ZEB1: variants seen among roughly 807,000 people sequenced by gnomAD.
ZEB1 encodes zinc finger E-box binding homeobox 1.
Under a neutral mutation model 84.9 loss-of-function variants are expected in ZEB1, and 21 were observed. The observed-to-expected ratio is 0.25, with a 90% CI of 0.18 to 0.36. The LOEUF (loss-of-function observed/expected upper bound fraction) is 0.36. Among genes scored for constraint, ZEB1 ranks in the 10% least tolerant of loss-of-function variants. The probability of loss-of-function intolerance (pLI) is 1.00; values close to 1 mark genes in which losing one functional copy is unlikely to be tolerated. For missense variants in ZEB1, 1,104 were observed against 1,330.2 expected, an observed-to-expected ratio of 0.83 and a Z score of 2.65; for synonymous variants, 420 against 471.1, an observed-to-expected ratio of 0.89 and a Z score of 1.41.
intron 1 of ZEB1, among the ~76,000 whole-genome samples, chr10:31,329,709 A>C (rs947473405): frequency 6.6e-6 from 1 of 152,148 alleles, no homozygotes. Context: ...ACATCCTTGC[A>C]AACAATTGTC....
intron 3 of ZEB1, among the ~76,000 whole-genome samples, chr10:31,499,852 G>C (rs1169801074): frequency 6.6e-6 from 1 of 151,946 alleles, no homozygotes; most frequent in Non-Finnish European, 1.5e-5. Context: ...GTAAAGTCAA[G>C]ATTAAGATTA....
At chr10:31,514,579 A>G in intron 5 of ZEB1, 24 bp from the exon 6 acceptor site, 1 of 1,600,606 alleles carries the variant, frequency 6.2e-7, no homozygotes, top group Non-Finnish European at 8.6e-7. Context: ...CTTTTCAAAT[A>G]AAATACCAGT....
intron 1 of ZEB1, among the ~76,000 whole-genome samples, chr10:31,416,457 G>A (rs565405295): frequency 6.6e-6 from 1 of 152,038 alleles, no homozygotes; most frequent in East Asian, 1.9e-4. Flanking sequence ...CCTACATAAT[G>A]GTCTTGAACC....
chr10:31,448,547 T>C (rs2060096563), intron 1 of ZEB1, among the ~76,000 whole-genome samples: 1 of 151,094 alleles, frequency 6.6e-6, no homozygotes, highest in Non-Finnish European at 1.5e-5. Context: ...TGTGGTTTTA[T>C]CTACTTTTGG....
At chr10:31,426,715 T>C (rs951556847) in intron 1 of ZEB1, among the ~76,000 whole-genome samples, 2 of 152,094 alleles carry the variant, frequency 1.3e-5, no homozygotes, top group Middle Eastern at 3.2e-3. Context: ...AATCTCTAGT[T>C]TGAATTGATT....
At chr10:31,420,307 G>T (rs987243432) in intron 1 of ZEB1, among the ~76,000 whole-genome samples, 2 of 152,044 alleles carry the variant, frequency 1.3e-5, no homozygotes, top group African/African-American at 4.8e-5. Context: ...TGCTTAGCTG[G>T]CTCCTCTGCT....
At chr10:31,331,077 CTTTCTTTTTTTTTT>C (rs1388760800) in intron 1 of ZEB1, among the ~76,000 whole-genome samples, 2 of 89,064 alleles carry the variant, frequency 2.2e-5, no homozygotes, top group African/African-American at 1.1e-4. Context: ...TTTTTTCTTT[CTTTCTTTTTTTTTT>C]TTTTTTTTTT....
At chr10:31,345,789 T>C (rs530044503) in intron 1 of ZEB1, among the ~76,000 whole-genome samples, 1 of 152,256 alleles carries the variant, frequency 6.6e-6, no homozygotes, top group South Asian at 2.1e-4. Context: ...GGAGAGAGCC[T>C]AGAAAACTTT....
At chr10:31,376,406 A>G (rs1458179049) in intron 1 of ZEB1, among the ~76,000 whole-genome samples, 1 of 151,782 alleles carries the variant, frequency 6.6e-6, no homozygotes, top group East Asian at 1.9e-4. Context: ...AGTTCTTATT[A>G]TTTGTATAAC....
intron 1 of ZEB1, among the ~76,000 whole-genome samples, chr10:31,407,341 C>T (rs1365906596): frequency 6.8e-5 from 10 of 146,704 alleles, no homozygotes; most frequent in East Asian, 2.0e-4. Context: ...TGAGAACATG[C>T]GGTGTTTGGT....
In ZEB1 at chr10:31,527,412, A is replaced by AC. The variant is rs2073697998; in HGVS notation, c.*148_*149insC. On this transcript the variant is annotated 3_prime_UTR_variant, in exon 9 of 9. Coordinates refer to ENST00000424869, the MANE Select transcript of ZEB1 (RefSeq NM_001174096.2). ...AAAACTAAAAAAATACAAAATACAA[A>AC]ACACACACACACACACACACACACA... 10 of 515,640 alleles carry AC rather than the reference A, an allele frequency of 1.9e-5. No individual in the cohort carries two copies. The highest frequency in any genetic ancestry group is 1.8e-4 in the South Asian group (7 of 38,850). The allele number at this position is 515,640 out of a possible 1,614,324, so 31.9% of individuals were successfully genotyped here. A position where few individuals can be genotyped will look rare whatever the true frequency, so the allele number is the denominator to read the frequency against.
intron 1 of ZEB1, among the ~76,000 whole-genome samples, chr10:31,348,906 A>G (rs1352138090): frequency 2.0e-5 from 3 of 152,360 alleles, no homozygotes; most frequent in Admixed American, 6.5e-5. Flanking sequence ...GCTAATTAAC[A>G]TATGCATTAC....
At chr10:31,519,880 A>G (rs893388417) in intron 6 of ZEB1, among the ~76,000 whole-genome samples, 1 of 152,212 alleles carries the variant, frequency 6.6e-6, no homozygotes, top group East Asian at 1.9e-4. Flanking sequence ...TGGAAATATT[A>G]TACACATATG....
At chr10:31,509,583 A>G (rs1323240966) in intron 4 of ZEB1, among the ~76,000 whole-genome samples, 1 of 152,170 alleles carries the variant, frequency 6.6e-6, no homozygotes, top group Non-Finnish European at 1.5e-5. Flanking sequence ...TATTTGACCA[A>G]CTATTTAACA....
At chr10:31,519,320 A>G (rs2071812325) in intron 6 of ZEB1, among the ~76,000 whole-genome samples, 2 of 152,174 alleles carry the variant, frequency 1.3e-5, no homozygotes, top group African/African-American at 4.8e-5. Flanking sequence ...AGTATCCCTA[A>G]CAGCCAAGGA....
intron 1 of ZEB1, among the ~76,000 whole-genome samples, chr10:31,418,379 C>T (rs184739635): frequency 3.9e-4 from 59 of 151,924 alleles, no homozygotes; most frequent in African/African-American, 1.3e-3. Flanking sequence ...TTTGTTTGGA[C>T]GGAGTGGATG....
At chr10:31,359,794 ATCT>A (rs1381202108) in intron 1 of ZEB1, among the ~76,000 whole-genome samples, 5 of 152,174 alleles carry the variant, frequency 3.3e-5, no homozygotes, top group African/African-American at 9.7e-5. Context: ...ACAAACACCT[ATCT>A]TCTTTGATTG....
chr10:31,470,833 A>C (rs1014365023), intron 2 of ZEB1, among the ~76,000 whole-genome samples: 17 of 133,560 alleles, frequency 1.3e-4, no homozygotes, highest in Non-Finnish European at 2.4e-4. Flanking sequence ...GTTACCCTCA[A>C]AGGGAAGCCC....
At chr10:31,382,257 T>C (rs2134894401) in intron 1 of ZEB1, among the ~76,000 whole-genome samples, 1 of 152,252 alleles carries the variant, frequency 6.6e-6, no homozygotes, top group Non-Finnish European at 1.5e-5. Context: ...AAATCCTGAA[T>C]AGGTGATAGA....
Sources: allele counts gnomAD v4.1 joint callset (sites outside exome capture counted in the v4.1 genomes callset), GRCh38; gene constraint gnomAD v4.1.1; transcripts MANE v1.5; gene names NCBI Gene and HGNC (gene_info 2026-07-23, HGNC 2026-07-21).